FOCAD: variants seen among roughly 807,000 people sequenced by gnomAD.
The protein encoded by FOCAD is KIAA1797.
Under a neutral mutation model 225.6 loss-of-function variants are expected in FOCAD, and 198 were observed. The ratio of observed to expected loss-of-function variants is 0.88; its 90% CI spans 0.78 to 0.99. The LOEUF (loss-of-function observed/expected upper bound fraction) is 0.99, where lower values mean the gene tolerates loss of function less well. Among genes scored for constraint, FOCAD ranks in the 50% least tolerant of loss-of-function variants. The probability of loss-of-function intolerance (pLI) is 0.00; values close to 1 mark genes in which losing one functional copy is unlikely to be tolerated. For missense variants in FOCAD, 2,713 were observed against 2,123.6 expected, an observed-to-expected ratio of 1.28 and a Z score of -5.46; for synonymous variants, 897 against 755.0, an observed-to-expected ratio of 1.19 and a Z score of -3.08.
chr9:20,923,910 G>A (rs1834700046), intron 25 of FOCAD, 142 bp downstream of exon 25: 2 of 608,774 alleles, frequency 3.3e-6, no homozygotes, highest in Non-Finnish European at 5.8e-6. Flanking sequence ...TATACTGTGA[G>A]CCTCAGTGTC....
Position 20,976,473 on chromosome 9 carries a change from A to G in FOCAD, c.4186A>G (p.Thr1396Ala), listed in dbSNP as rs772100076. 1.2e-6 allele frequency: 2 copies of G among 1,613,274 alleles called. No individual in the cohort carries two copies. Among genetic ancestry groups the G allele is most frequent in the African/African-American group, 1.3e-5 (1 of 75,002 alleles). ...LLKVVMKPIATVGESYQYPPV... is the reference protein window; with the variant it reads ...LLKVVMKPIAAVGESYQYPPV... ...TAAAGTAGTGATGAAACCCATAGCA[A>G]CTGTTGGAGAAAGCTACCAATATCC... Residue 1396 changes from threonine (T) to alanine (A), a missense_variant, in exon 36 of 44, where the codon ACT (threonine) becomes GCT (alanine). Thr to Ala is a moderately conservative substitution (Grantham distance 58). Transcript: ENST00000338382.
At chr9:20,951,133 G>A (rs1837650527) in intron 34 of FOCAD, 35 bp downstream of exon 34, 1 of 1,544,362 alleles carries the variant, frequency 6.5e-7, no homozygotes, top group Non-Finnish European at 9.0e-7. Flanking sequence ...GGAGCTGGAA[G>A]GGAGGGATTG....
At chr9:20,745,731 A>G (rs1309203361) in intron 5 of FOCAD, among the ~76,000 whole-genome samples, 1 of 152,200 alleles carries the variant, frequency 6.6e-6, no homozygotes, top group Non-Finnish European at 1.5e-5. Flanking sequence ...ACATGCACAA[A>G]TATCAAATGT....
chr9:20,785,907 C>T (rs563010734), intron 10 of FOCAD, among the ~76,000 whole-genome samples: 3 of 152,094 alleles, frequency 2.0e-5, no homozygotes, highest in African/African-American at 4.8e-5. Context: ...TCCCTGTCCT[C>T]GACAATTGTT....
chr9:20,959,738 T>C (rs1838526653), intron 35 of FOCAD, among the ~76,000 whole-genome samples: 1 of 152,140 alleles, frequency 6.6e-6, no homozygotes, highest in Non-Finnish European at 1.5e-5. Flanking sequence ...TGTAGTTTAA[T>C]TTTTCTGTCT....
chr9:20,915,832 G>A (rs1417208486), intron 23 of FOCAD, among the ~76,000 whole-genome samples: 2 of 152,022 alleles, frequency 1.3e-5, no homozygotes, highest in African/African-American at 2.4e-5. Context: ...CAAGTGGAAG[G>A]TTTGACCTTA....
intron 35 of FOCAD, among the ~76,000 whole-genome samples, chr9:20,962,694 C>T (rs113305744): frequency 4.0e-4 from 61 of 152,156 alleles, no homozygotes; most frequent in Middle Eastern, 3.4e-3. Context: ...GCATTATGTT[C>T]GGATATACTG....
intron 35 of FOCAD, among the ~76,000 whole-genome samples, chr9:20,959,866 T>A (rs1838541570): frequency 1.3e-5 from 2 of 152,270 alleles, no homozygotes; most frequent in East Asian, 3.9e-4. Context: ...AATTTCTGAG[T>A]TCTCTGTTCT....
intron 10 of FOCAD, among the ~76,000 whole-genome samples, chr9:20,783,946 C>G (rs182929614): frequency 7.2e-5 from 11 of 152,100 alleles, no homozygotes; most frequent in Admixed American, 4.6e-4. Context: ...GTTATAAAAC[C>G]TTATAAAAAA....
intron 15 of FOCAD, among the ~76,000 whole-genome samples, chr9:20,839,531 G>T (rs183472514): frequency 2.0e-4 from 30 of 152,138 alleles, no homozygotes; most frequent in African/African-American, 7.2e-4. Flanking sequence ...AAAGTGCTGA[G>T]ATTACAGGTG....
intron 24 of FOCAD, among the ~76,000 whole-genome samples, chr9:20,920,583 A>G (rs10964757): frequency 1 from 128,289 of 128,358 alleles, 64,110 homozygotes; most frequent in Middle Eastern, 1. Context: ...ACAATGATAG[A>G]CTGGATTAAG....
intron 1 of FOCAD, among the ~76,000 whole-genome samples, chr9:20,692,764 G>A (rs953242895): frequency 6.6e-6 from 1 of 152,168 alleles, no homozygotes; most frequent in African/African-American, 2.4e-5. Context: ...TTGAGGCCGG[G>A]ACTTAGAACT....
intron 31 of FOCAD, among the ~76,000 whole-genome samples, 193 bp downstream of exon 31, chr9:20,948,586 A>C (rs536786223): frequency 2.0e-5 from 3 of 152,292 alleles, no homozygotes; most frequent in Admixed American, 2.0e-4. Flanking sequence ...ATTTTTTTGA[A>C]CTGGCTATTT....
chr9:20,778,577 C>G, intron 8 of FOCAD, 104 bp from the exon 9 acceptor site: 1 of 632,144 alleles, frequency 1.6e-6, no homozygotes, highest in Non-Finnish European at 2.8e-6. Flanking sequence ...GTGTAATAGG[C>G]TTGCAGTCTT....
intron 6 of FOCAD, among the ~76,000 whole-genome samples, chr9:20,760,211 A>G (rs1829453761): frequency 6.6e-6 from 1 of 152,202 alleles, no homozygotes; most frequent in African/African-American, 2.4e-5. Context: ...TGGTTTTCAA[A>G]CTGCACTTGC....
In FOCAD at chr9:20,721,135, C is replaced by G. The variant is rs138887590; in HGVS notation, c.287+601C>G. Reference sequence around the variant, plus strand: ...TGGTCAAACAGGACCATGTTTGAACCAGTGAGCCTCTGTTATAAAATACTC... The same window carrying G: ...TGGTCAAACAGGACCATGTTTGAACGAGTGAGCCTCTGTTATAAAATACTC... On this transcript the variant is annotated intron_variant, in intron 4 of 43. Transcript: ENST00000338382. 8.0e-4 allele frequency among the ~76,000 whole-genome samples: 122 copies of G among 152,232 alleles called. 1 individual carries two copies. In the East Asian group the frequency reaches 0.022, roughly 28 times the overall value.
At chr9:20,760,463 C>G (rs905170114) in intron 6 of FOCAD, among the ~76,000 whole-genome samples, 2 of 152,234 alleles carry the variant, frequency 1.3e-5, no homozygotes, top group African/African-American at 4.8e-5. Context: ...GCAGTTTATG[C>G]TTTAGCAGTA....
chr9:20,820,660 G>C (rs964946257), intron 13 of FOCAD, among the ~76,000 whole-genome samples: 1 of 152,056 alleles, frequency 6.6e-6, no homozygotes, highest in African/African-American at 2.4e-5. Context: ...CTTTCCATTT[G>C]CTTGAGAAAG....
chr9:20,770,751 G>A (rs1818132484), intron 8 of FOCAD, among the ~76,000 whole-genome samples: 1 of 152,084 alleles, frequency 6.6e-6, no homozygotes, highest in Non-Finnish European at 1.5e-5. Flanking sequence ...CATATTAGAG[G>A]CATTTTGATC....
Sources: allele counts gnomAD v4.1 joint callset (sites outside exome capture counted in the v4.1 genomes callset), GRCh38; gene constraint gnomAD v4.1.1; transcripts MANE v1.5; gene names NCBI Gene and HGNC (gene_info 2026-07-23, HGNC 2026-07-21).